The following COL28A1 variants were observed in gnomAD, a reference collection of about 807,000 sequenced individuals.
COL28A1 encodes collagen type XXVIII alpha 1 chain, also known as collagen alpha-1(XXVIII) chain.
Under a neutral mutation model 150.2 loss-of-function variants are expected in COL28A1, and 161 were observed. The ratio of observed to expected loss-of-function variants is 1.07; its 90% confidence interval spans 0.94 to 1.22. COL28A1 has a LOEUF of 1.22. Among genes scored for constraint, COL28A1 ranks in the 50% most tolerant of loss-of-function variants. The pLI, the probability that COL28A1 is intolerant of heterozygous loss-of-function variation, is 0.00. For synonymous variants in COL28A1, 552 were observed against 469.7 expected (o/e 1.18, Z -2.26); for missense variants, 1,617 against 1,388.3 (o/e 1.16, Z -2.62).
intron 33 of COL28A1, among the ~76,000 whole-genome samples, chr7:7,361,663 C>T (rs936139409): frequency 6.6e-6 from 1 of 152,114 alleles, no homozygotes; most frequent in Non-Finnish European, 1.5e-5. Flanking sequence ...TGTTCATATC[C>T]TTCGCCCATT....
intron 27 of COL28A1, among the ~76,000 whole-genome samples, chr7:7,382,688 C>G (rs1314678603): frequency 6.6e-6 from 1 of 152,104 alleles, no homozygotes; most frequent in African/African-American, 2.4e-5. Flanking sequence ...ACGGGCTCCT[C>G]GGGATTGATC....
At chr7:7,389,815 A>C (rs1782426904) in intron 27 of COL28A1, among the ~76,000 whole-genome samples, 1 of 152,166 alleles carries the variant, frequency 6.6e-6, no homozygotes, top group Non-Finnish European at 1.5e-5. Context: ...TTGGTGTATA[A>C]GAATGCTTGT....
At chr7:7,422,236 C>G (rs982695584) in intron 25 of COL28A1, among the ~76,000 whole-genome samples, 2 of 152,140 alleles carry the variant, frequency 1.3e-5, no homozygotes, top group Non-Finnish European at 2.9e-5. Flanking sequence ...AAATAATACT[C>G]CTCTTTGCTC....
intron 33 of COL28A1, among the ~76,000 whole-genome samples, chr7:7,365,353 C>G (rs1443240097): frequency 2.3e-5 from 3 of 132,360 alleles, no homozygotes; most frequent in Non-Finnish European, 3.4e-5. Flanking sequence ...CTAGCTCCAG[C>G]TCTAAGCAGG....
intron 25 of COL28A1, chr7:7,431,761 G>T: frequency 3.0e-6 from 1 of 328,696 alleles, no homozygotes; most frequent in Non-Finnish European, 6.4e-6. Flanking sequence ...GGAACAGAGG[G>T]AAGACCAATG....
chr7:7,359,477 G>T (rs1272178687), intron 34 of COL28A1, among the ~76,000 whole-genome samples: 2 of 152,082 alleles, frequency 1.3e-5, no homozygotes, highest in African/African-American at 4.8e-5. Context: ...TCCTAATAAG[G>T]TTCCTTTAAT....
chr7:7,506,757 T>C (rs908537222), intron 10 of COL28A1, among the ~76,000 whole-genome samples: 3 of 152,154 alleles, frequency 2.0e-5, no homozygotes, highest in Non-Finnish European at 2.9e-5. Flanking sequence ...ATGCATAACT[T>C]TTCCAACTAC....
intron 11 of COL28A1, among the ~76,000 whole-genome samples, chr7:7,497,557 C>T (rs552755992): frequency 6.6e-6 from 1 of 152,142 alleles, no homozygotes; most frequent in South Asian, 2.1e-4. Context: ...GCCAAACTGC[C>T]TCTTGAAACT....
At chr7:7,421,453 T>A (rs1005420377) in intron 25 of COL28A1, among the ~76,000 whole-genome samples, 3 of 152,126 alleles carry the variant, frequency 2.0e-5, no homozygotes, top group Non-Finnish European at 2.9e-5. Context: ...AATTCTAGAA[T>A]GTGTAAAATA....
At chr7:7,407,498 C>G (rs757649338) in intron 27 of COL28A1, among the ~76,000 whole-genome samples, 1 of 152,016 alleles carries the variant, frequency 6.6e-6, no homozygotes, top group African/African-American at 2.4e-5. Context: ...GATAACTTCT[C>G]GAGAGCGATA....
intron 11 of COL28A1, among the ~76,000 whole-genome samples, chr7:7,491,507 G>A (rs192891030): frequency 1.3e-5 from 2 of 152,332 alleles, no homozygotes; most frequent in Non-Finnish European, 2.9e-5. Context: ...TTACTCAACA[G>A]CAAGAGTTCT....
chr7:7,486,488 T>C (rs1425558495), intron 13 of COL28A1, among the ~76,000 whole-genome samples: 1 of 152,210 alleles, frequency 6.6e-6, no homozygotes, highest in African/African-American at 2.4e-5. Flanking sequence ...ATAAGACTGA[T>C]GAGAGCAGAC....
At chr7:7,384,855 G>T (rs1782089578) in intron 27 of COL28A1, among the ~76,000 whole-genome samples, 1 of 152,156 alleles carries the variant, frequency 6.6e-6, no homozygotes, top group African/African-American at 2.4e-5. Context: ...AAGGAGAGGA[G>T]AAAAATTTGT....
intron 25 of COL28A1, 100 bp downstream of exon 25, chr7:7,432,373 C>T (rs1785031916): frequency 1.2e-6 from 1 of 844,558 alleles, no homozygotes; most frequent in Non-Finnish European, 1.9e-6. Context: ...TTTCAGACAC[C>T]TCTACTCTTC....
chr7:7,510,363 C>A (rs1292127414), intron 9 of COL28A1, among the ~76,000 whole-genome samples: 2 of 152,186 alleles, frequency 1.3e-5, no homozygotes, highest in Non-Finnish European at 2.9e-5. Context: ...TGGCTCACTG[C>A]AACGTCTGCC....
chr7:7,362,661 T>C (rs536695413), intron 33 of COL28A1, among the ~76,000 whole-genome samples: 53 of 152,276 alleles, frequency 3.5e-4, no homozygotes, highest in Non-Finnish European at 6.8e-4. Flanking sequence ...GGCACACAAT[T>C]CAAATACAAT....
chr7:7,420,311 T>C (rs1288706619), intron 25 of COL28A1: 1 of 157,082 alleles, frequency 6.4e-6, no homozygotes, highest in East Asian at 1.9e-4. Flanking sequence ...GCTTTTATCA[T>C]TGTATGCAAC....
At chr7:7,379,999 C>T (rs960033793) in intron 30 of COL28A1, among the ~76,000 whole-genome samples, 1 of 152,112 alleles carries the variant, frequency 6.6e-6, no homozygotes, top group Non-Finnish European at 1.5e-5. Context: ...GAATCAGCCC[C>T]GCTAGACCAC....
intron 15 of COL28A1, among the ~76,000 whole-genome samples, chr7:7,457,661 G>C (rs1398715122): frequency 6.6e-6 from 1 of 152,170 alleles, no homozygotes; most frequent in South Asian, 2.1e-4. Context: ...CCAGGACTGA[G>C]CCCTTTAAGC....
Sources: allele counts gnomAD v4.1 joint callset (sites outside exome capture counted in the v4.1 genomes callset), GRCh38; gene constraint gnomAD v4.1.1; transcripts MANE v1.5; gene names NCBI Gene and HGNC (gene_info 2026-07-23, HGNC 2026-07-21).